Variants in GAREM1 observed in about 807,000 individuals in gnomAD.
The protein encoded by GAREM1 is GRB2 associated regulator of MAPK1 subtype 1.
In GAREM1, 26 loss-of-function variants were observed where a neutral mutation model predicts 71.3. That is an observed-to-expected ratio of 0.36 (90% confidence interval 0.27 to 0.51). The LOEUF (loss-of-function observed/expected upper bound fraction) is 0.51. GAREM1 is among the 20% of genes least tolerant of loss of function. GAREM1 has a pLI of 0.95. For missense variants in GAREM1, 1,026 were observed against 1,103.1 expected, an observed-to-expected ratio of 0.93 and a Z score of 0.99; for synonymous variants, 440 against 433.2, an observed-to-expected ratio of 1.02 and a Z score of -0.20.
chr18:32,275,901 C>A (rs1013410752), intron 4 of GAREM1, among the ~76,000 whole-genome samples: 4 of 152,222 alleles, frequency 2.6e-5, no homozygotes, highest in Admixed American at 2.6e-4. Flanking sequence ...TCTCAGACTC[C>A]TGACCTCAGG....
chr18:32,301,576 C>T (rs1284037768), intron 3 of GAREM1, among the ~76,000 whole-genome samples: 1 of 152,200 alleles, frequency 6.6e-6, no homozygotes, highest in Non-Finnish European at 1.5e-5. Context: ...TGCGAACCAA[C>T]CAATTAGAAC....
At chr18:32,275,297 CTAT>C (rs1181305810) in intron 4 of GAREM1, among the ~76,000 whole-genome samples, 1 of 152,184 alleles carries the variant, frequency 6.6e-6, no homozygotes, top group Non-Finnish European at 1.5e-5. Context: ...TAAAGCCTTT[CTAT>C]TTATTTCCAA....
At position 32,424,927 on chromosome 18, in the gene GAREM1, C is replaced by T. The variant is rs1248651302; in HGVS notation, c.122-31892G>A. On this transcript the variant is annotated intron_variant, in intron 1 of 5. Coordinates refer to ENST00000269209, the MANE Select transcript of GAREM1 (RefSeq NM_001242409.2). ...TTGGCACAGACAACATCCACAGAGG[C>T]CAGCCCTCCAAAGGGTATATCAAAC... Among the ~76,000 whole-genome samples the T allele has an allele frequency of 1.2e-4, 19 of 152,110 alleles. 1 individual carries two copies. Among genetic ancestry groups the T allele is most frequent in the Admixed American group, 1.2e-3 (19 of 15,270 alleles).
intron 4 of GAREM1, among the ~76,000 whole-genome samples, chr18:32,271,487 G>A (rs1052515550): frequency 6.6e-6 from 1 of 152,058 alleles, no homozygotes; most frequent in African/African-American, 2.4e-5. Context: ...GCCAGGCAAG[G>A]GCTTCTCAAA....
chr18:32,469,953 A>C (rs1280775502), intron 1 of GAREM1, among the ~76,000 whole-genome samples: 2 of 152,174 alleles, frequency 1.3e-5, no homozygotes, highest in Non-Finnish European at 2.9e-5. Context: ...ATTCTCAAGA[A>C]AGTTGCCTAA....
At chr18:32,351,824 T>C (rs1332312990) in intron 2 of GAREM1, among the ~76,000 whole-genome samples, 1 of 152,096 alleles carries the variant, frequency 6.6e-6, no homozygotes, top group Non-Finnish European at 1.5e-5. Context: ...TACTTTCAAA[T>C]TCTCAGCATA....
chr18:32,331,621 C>T (rs1454977401), intron 2 of GAREM1: 1 of 152,138 alleles, frequency 6.6e-6, no homozygotes, highest in Non-Finnish European at 1.5e-5. Context: ...ATTGCTGGGC[C>T]TCACCGTGTC....
At chr18:32,321,412 C>T (rs664545) in intron 2 of GAREM1, among the ~76,000 whole-genome samples, 13,681 of 152,094 alleles carry the variant, frequency 0.09, 668 homozygotes, top group South Asian at 0.12. Flanking sequence ...CCTCTCATTC[C>T]GCTTCTTTCC....
chr18:32,272,121 T>C (rs2041471468), intron 4 of GAREM1, among the ~76,000 whole-genome samples: 1 of 152,172 alleles, frequency 6.6e-6, no homozygotes, highest in African/African-American at 2.4e-5. Context: ...TGGTATTGAG[T>C]TTGCTTAAGC....
In GAREM1 at chr18:32,287,499, G is replaced by C. The variant is rs1192477810; in HGVS notation, c.1098C>G (p.Asn366Lys). 1.2e-6 allele frequency: 2 copies of C among 1,614,228 alleles called. No homozygotes were observed. The highest frequency in any genetic ancestry group is 3.3e-5 in the Admixed American group (2 of 60,032). ...CGTAGCTGAGCGAATTGGGCACGTGGTTGTGGCCAGAGCACCGACCCTTCT... is the reference window on the plus strand; with the variant it reads ...CGTAGCTGAGCGAATTGGGCACGTGCTTGTGGCCAGAGCACCGACCCTTCT... ...SPKKGRCSGHNHVPNSLSYAR... is the reference protein window; with the variant it reads ...SPKKGRCSGHKHVPNSLSYAR... The change falls in exon 4 of 6, where the codon AAC becomes AAG. Residue 366 changes from asparagine (N) to lysine (K), a missense_variant. Asn to Lys is a moderately conservative substitution (Grantham distance 94, BLOSUM62 0). Transcript: ENST00000269209. The surrounding 1 kb of genome is among the most constrained non-coding windows in gnomAD (Gnocchi z 5.9).
At chr18:32,347,296 C>T (rs2047705910) in intron 2 of GAREM1, among the ~76,000 whole-genome samples, 1 of 151,946 alleles carries the variant, frequency 6.6e-6, no homozygotes, top group Non-Finnish European at 1.5e-5. Flanking sequence ...GCCAGGAGTT[C>T]GAGACCAGCC....
At position 32,287,331 on chromosome 18, in the gene GAREM1, G is replaced by A. The variant is rs1273654571; in HGVS notation, c.1266C>T (p.Pro422=). 1.2e-6 allele frequency: 2 copies of A among 1,614,190 alleles called. No individual in the cohort carries two copies. The highest frequency in any genetic ancestry group is 2.2e-5 in the South Asian group (2 of 91,072). Residue 422 remains proline, a synonymous_variant, in exon 4 of 6, where the codon CCC becomes CCT. Coordinates refer to ENST00000269209, the MANE Select transcript of GAREM1 (RefSeq NM_001242409.2). The surrounding 1 kb of genome is among the most constrained non-coding windows in gnomAD (Gnocchi z 5.9). ...DWAPFPHDIL[P]YQDSGDSGSD... Reference sequence around the variant, plus strand: ...TCCCACTATCTCCAGAGTCCTGATAGGGCAGGATGTCATGAGGAAAGGGAG... The same window carrying A: ...TCCCACTATCTCCAGAGTCCTGATAAGGCAGGATGTCATGAGGAAAGGGAG...
At chr18:32,378,723 A>G (rs1356392567) in intron 2 of GAREM1, among the ~76,000 whole-genome samples, 3 of 152,108 alleles carry the variant, frequency 2.0e-5, no homozygotes, top group African/African-American at 7.2e-5. Flanking sequence ...TGAAAAAACA[A>G]ATGCTTTCTC....
intron 1 of GAREM1, among the ~76,000 whole-genome samples, chr18:32,431,149 T>C (rs528055901): frequency 6.2e-4 from 95 of 152,230 alleles, no homozygotes; most frequent in Middle Eastern, 3.4e-3. Flanking sequence ...ATGTCAGATC[T>C]GATATACAGA....
At chr18:32,392,847 C>T (rs770372200) in intron 2 of GAREM1, 48 bp downstream of exon 2, 45 of 1,586,574 alleles carry the variant, frequency 2.8e-5, no homozygotes, top group African/African-American at 1.3e-4. Flanking sequence ...TAGCTATTCA[C>T]ATCCCCTTTC....
intron 3 of GAREM1, among the ~76,000 whole-genome samples, chr18:32,303,049 C>G (rs1385278721): frequency 1.3e-5 from 2 of 152,160 alleles, no homozygotes; most frequent in Non-Finnish European, 2.9e-5. Flanking sequence ...CAGGCAGAGG[C>G]AGCGACTGTA....
chr18:32,456,115 A>G (rs1478206205), intron 1 of GAREM1, among the ~76,000 whole-genome samples: 1 of 152,162 alleles, frequency 6.6e-6, no homozygotes, highest in Non-Finnish European at 1.5e-5. Context: ...AAACAGGAAT[A>G]AGAGACTTCT....
At chr18:32,454,224 T>G (rs941009281) in intron 1 of GAREM1, among the ~76,000 whole-genome samples, 5 of 152,116 alleles carry the variant, frequency 3.3e-5, no homozygotes, top group African/African-American at 1.2e-4. Flanking sequence ...CTTTACACAT[T>G]GAATTACTGG....
chr18:32,288,122 GC>G lies in GAREM1; in HGVS notation c.474del (p.Gln159ArgfsTer43). On this transcript the variant is annotated frameshift_variant, in exon 4 of 6. Coordinates refer to ENST00000269209, the MANE Select transcript of GAREM1 (RefSeq NM_001242409.2). LOFTEE classifies it high-confidence loss of function. ...GTCTTTGCATAAAGGATTTCTGCCT[GC>G]CCCATTAGAGTGAGTTCATCCCCAG... ...LCTGDELTLM[G>X]QAEILYAKTF... 1 of 1,614,006 alleles carries G rather than the reference GC, an allele frequency of 6.2e-7. No homozygotes were observed. Among genetic ancestry groups the G allele is most frequent in the Non-Finnish European group, 8.5e-7 (1 of 1,179,972 alleles).
Sources: allele counts gnomAD v4.1 joint callset (sites outside exome capture counted in the v4.1 genomes callset), GRCh38; gene constraint gnomAD v4.1.1; non-coding constraint Gnocchi (gnomAD v3.1); transcripts MANE v1.5; gene names NCBI Gene and HGNC (gene_info 2026-07-23, HGNC 2026-07-21).